The following MYT1L variants were observed in gnomAD, a reference collection of about 807,000 sequenced individuals.
MYT1L encodes myelin transcription factor 1 like, also known as myelin transcription factor 1-like protein.
MYT1L carries 12 observed loss-of-function variants against 126.7 expected under a neutral mutation model. That is an observed-to-expected ratio of 0.09 (90% confidence interval 0.06 to 0.15). MYT1L has a LOEUF of 0.15. Among genes scored for constraint, MYT1L ranks in the 10% least tolerant of loss-of-function variants. The probability of loss-of-function intolerance (pLI) is 1.00; values close to 1 mark genes in which losing one functional copy is unlikely to be tolerated. For missense variants in MYT1L, 979 were observed against 1,585.2 expected (o/e 0.62, Z 6.49); for synonymous variants, 541 against 604.2 (o/e 0.90, Z 1.53).
intron 2 of MYT1L, among the ~76,000 whole-genome samples, chr2:2,221,772 G>C (rs1205986043): frequency 1.3e-5 from 2 of 152,174 alleles, no homozygotes; most frequent in East Asian, 3.9e-4. Flanking sequence ...CAACCTAAAA[G>C]TATGAACAAC....
chr2:1,858,190 T>C (rs2044152307), intron 18 of MYT1L, among the ~76,000 whole-genome samples: 1 of 152,244 alleles, frequency 6.6e-6, no homozygotes, highest in African/African-American at 2.4e-5. Flanking sequence ...TTTTGATTCT[T>C]GTTGTCATAT....
At chr2:1,966,854 T>A (rs1558569801) in intron 8 of MYT1L, among the ~76,000 whole-genome samples, 1 of 152,008 alleles carries the variant, frequency 6.6e-6, no homozygotes, top group Non-Finnish European at 1.5e-5. Flanking sequence ...AGCAAAACTG[T>A]CTTAAAAAAT....
rs1357004828 is a variant in MYT1L at position 2,279,560 on chromosome 2, TGAATGAATGAAGGAAG to T, written c.-421+4828_-421+4843del. 3.8e-3 allele frequency among the ~76,000 whole-genome samples: 219 copies of T among 56,938 alleles called. 2 individuals are homozygous for T. The highest frequency in any genetic ancestry group is 0.015 in the African/African-American group (211 of 14,338). 37.4% of individuals were successfully genotyped at this position (56,938 alleles called of 152,430 possible). ...AGGAGAGAGAGAAAGAGAGAAGGAA[TGAATGAATGAAGGAAG>T]GAAGGAAGGAAGGAAGGAAGGAAGG... is the stretch of plus-strand genomic sequence containing the variant. On this transcript the variant is annotated intron_variant, in intron 2 of 24. Coordinates refer to ENST00000647738, the MANE Select transcript of MYT1L (RefSeq NM_001303052.2).
chr2:2,124,291 A>G (rs900405519), intron 3 of MYT1L, among the ~76,000 whole-genome samples: 6 of 152,120 alleles, frequency 3.9e-5, no homozygotes, highest in Non-Finnish European at 5.9e-5. Context: ...AATAAAAACA[A>G]GCTATTCTTT....
chr2:2,274,379 A>G (rs960579608), intron 2 of MYT1L, among the ~76,000 whole-genome samples: 15 of 151,928 alleles, frequency 9.9e-5, no homozygotes, highest in Non-Finnish European at 2.2e-4. Context: ...AGGGAGGGAG[A>G]GAGGACAGTG....
intron 1 of MYT1L, among the ~76,000 whole-genome samples, chr2:2,328,135 TTTTAATTTTAAGTATAATTGTAACA>T (rs1235061122): frequency 6.6e-6 from 1 of 152,194 alleles, no homozygotes; most frequent in Non-Finnish European, 1.5e-5. Context: ...TAACTCAATT[TTTTAATTTTAAGTATAATTGTAACA>T]AATAGAAAAA....
intron 18 of MYT1L, among the ~76,000 whole-genome samples, chr2:1,878,338 A>G (rs545264265): frequency 5.9e-5 from 9 of 152,368 alleles, no homozygotes; most frequent in Admixed American, 2.6e-4. Flanking sequence ...TTAATAAAAA[A>G]TTATTAAACT....
At chr2:2,285,674 T>A (rs186373387) in intron 1 of MYT1L, among the ~76,000 whole-genome samples, 2 of 152,326 alleles carry the variant, frequency 1.3e-5, no homozygotes, top group East Asian at 1.9e-4. Flanking sequence ...GGAGCAGGGA[T>A]CTTCATGGTA....
intron 4 of MYT1L, among the ~76,000 whole-genome samples, chr2:2,026,258 A>C (rs1442614496): frequency 6.6e-6 from 1 of 152,136 alleles, no homozygotes; most frequent in Non-Finnish European, 1.5e-5. Context: ...CTGTGTGACA[A>C]GGGTGTGCGG....
rs114736323 is a variant in MYT1L at position 1,926,037 on chromosome 2, G to A, written c.506-2774C>T. On this transcript the variant is annotated intron_variant, in intron 9 of 24. Coordinates refer to ENST00000647738, the MANE Select transcript of MYT1L (RefSeq NM_001303052.2). ...GGAAACAGGCAGTGGAAAGCATATT[G>A]GCATCTGAGCACAGAGCCTGCCGTG... Among the ~76,000 whole-genome samples the A allele has an allele frequency of 8.9e-3, 1,351 of 152,196 alleles. 9 individuals carry two copies. The highest frequency in any genetic ancestry group is 0.024 in the Middle Eastern group (7 of 294).
intron 8 of MYT1L, among the ~76,000 whole-genome samples, chr2:1,970,054 A>G (rs914186409): frequency 1.3e-5 from 2 of 152,118 alleles, no homozygotes; most frequent in African/African-American, 4.8e-5. Flanking sequence ...AATCTTTACT[A>G]ATTTTGGCAG....
intron 21 of MYT1L, among the ~76,000 whole-genome samples, chr2:1,838,875 T>C (rs1018490210): frequency 2.5e-4 from 38 of 152,124 alleles, no homozygotes; most frequent in South Asian, 4.1e-4. Flanking sequence ...AAAATCTATA[T>C]CTTACTGTGG....
chr2:1,904,968 TTG>T (rs1491016641), intron 13 of MYT1L, among the ~76,000 whole-genome samples: 3 of 147,068 alleles, frequency 2.0e-5, no homozygotes, highest in Admixed American at 6.7e-5. Context: ...TAATTTTTTT[TTG>T]TATTTTTAGT....
chr2:2,259,394 TAAA>T (rs79333923), intron 2 of MYT1L, among the ~76,000 whole-genome samples: 6 of 110,398 alleles, frequency 5.4e-5, no homozygotes, highest in Non-Finnish European at 1.1e-4. Flanking sequence ...TAGAGTATAA[TAAA>T]AAAAAAAACA....
chr2:2,160,297 C>T (rs1023029672), intron 3 of MYT1L, among the ~76,000 whole-genome samples: 2 of 152,076 alleles, frequency 1.3e-5, no homozygotes, highest in African/African-American at 4.8e-5. Flanking sequence ...GTTGGTATTT[C>T]TCATTGGAAG....
intron 3 of MYT1L, among the ~76,000 whole-genome samples, chr2:2,066,657 C>T (rs2073920858): frequency 6.6e-6 from 1 of 152,128 alleles, no homozygotes; most frequent in Non-Finnish European, 1.5e-5. Context: ...GAGAGGTGAC[C>T]TGGTCAGGGG....
At chr2:1,934,549 G>A (rs1009346243) in intron 9 of MYT1L, among the ~76,000 whole-genome samples, 4 of 151,438 alleles carry the variant, frequency 2.6e-5, no homozygotes. Flanking sequence ...ATAAATTAAG[G>A]GATTAAAAAA....
intron 3 of MYT1L, among the ~76,000 whole-genome samples, chr2:2,130,011 A>C (rs1050146052): frequency 6.6e-6 from 1 of 152,164 alleles, no homozygotes; most frequent in Non-Finnish European, 1.5e-5. Flanking sequence ...TTAATTTTCT[A>C]CGTGGGAAAA....
At chr2:1,930,428 G>C (rs933211964) in intron 9 of MYT1L, among the ~76,000 whole-genome samples, 9 of 152,222 alleles carry the variant, frequency 5.9e-5, no homozygotes, top group African/African-American at 2.2e-4. Context: ...ATTCCACCTT[G>C]ATCTCCTTTT....
Sources: allele counts gnomAD v4.1 joint callset (sites outside exome capture counted in the v4.1 genomes callset), GRCh38; gene constraint gnomAD v4.1.1; transcripts MANE v1.5; gene names NCBI Gene and HGNC (gene_info 2026-07-23, HGNC 2026-07-21).